The following ADGRB3 variants were observed in gnomAD, a reference collection of about 807,000 sequenced individuals.
ADGRB3 encodes adhesion G protein-coupled receptor B3.
A neutral mutation model predicts 193.4 loss-of-function variants in ADGRB3; 37 were observed. The ratio of observed to expected loss-of-function variants is 0.19; its 90% confidence interval spans 0.15 to 0.25. The LOEUF is 0.25. Among genes scored for constraint, ADGRB3 ranks in the 10% least tolerant of loss-of-function variants. The pLI, the probability that ADGRB3 is intolerant of heterozygous loss-of-function variation, is 1.00. For missense variants in ADGRB3, 1,637 were observed against 1,852.9 expected (o/e 0.88, Z 2.14); for synonymous variants, 690 against 644.2 (o/e 1.07, Z -1.08).
chr6:68,814,402 T>G (rs1428259582), intron 3 of ADGRB3, among the ~76,000 whole-genome samples: 2 of 152,158 alleles, frequency 1.3e-5, no homozygotes, highest in African/African-American at 2.4e-5. Context: ...TTTGATGGTG[T>G]TGTTTGTTTT....
At chr6:68,908,584 T>G (rs1236534316) in intron 3 of ADGRB3, among the ~76,000 whole-genome samples, 1 of 152,118 alleles carries the variant, frequency 6.6e-6, no homozygotes, top group Admixed American at 6.6e-5. Context: ...AGTAAGCCTA[T>G]ATCATCATAT....
At chr6:68,774,596 C>T (rs1003683626) in intron 3 of ADGRB3, among the ~76,000 whole-genome samples, 6 of 151,848 alleles carry the variant, frequency 4.0e-5, no homozygotes, top group Admixed American at 3.3e-4. Context: ...TATTAGCATG[C>T]TGCCTTTTTA....
At position 69,213,393 on chromosome 6, in the gene ADGRB3, T is replaced by C. The variant is rs368184788; in HGVS notation, c.2481-19897T>C. ...GTATGTGCATTGCTTCAGTAAACCA[T>C]GACTGGCAATCATTAAATAACTTTT... On this transcript the variant is annotated intron_variant, in intron 17 of 31. Coordinates refer to ENST00000370598, the MANE Select transcript of ADGRB3 (RefSeq NM_001704.3). Among the ~76,000 whole-genome samples, 12 of 152,194 alleles carry C rather than the reference T, an allele frequency of 7.9e-5. No individual in the cohort carries two copies. In the East Asian group the frequency reaches 1.7e-3, roughly 22 times the overall value.
At chr6:69,091,910 T>G (rs528062332) in intron 17 of ADGRB3, among the ~76,000 whole-genome samples, 1 of 152,316 alleles carries the variant, frequency 6.6e-6, no homozygotes, top group African/African-American at 2.4e-5. Flanking sequence ...AAAAATAACT[T>G]TTAATTATAA....
At chr6:68,902,701 C>T (rs1192294770) in intron 3 of ADGRB3, among the ~76,000 whole-genome samples, 1 of 151,776 alleles carries the variant, frequency 6.6e-6, no homozygotes, top group Non-Finnish European at 1.5e-5. Context: ...TACATGTAAC[C>T]ACATATAATC....
At chr6:69,160,549 C>A (rs1467366909) in intron 17 of ADGRB3, among the ~76,000 whole-genome samples, 1 of 152,112 alleles carries the variant, frequency 6.6e-6, no homozygotes, top group Non-Finnish European at 1.5e-5. Flanking sequence ...TTAATATAAT[C>A]TTTCCTTTAT....
At chr6:69,354,993 T>C (rs1769308902) in intron 27 of ADGRB3, among the ~76,000 whole-genome samples, 1 of 152,198 alleles carries the variant, frequency 6.6e-6, no homozygotes, top group African/African-American at 2.4e-5. Flanking sequence ...TACAGTATAT[T>C]CAATTTATTA....
intron 8 of ADGRB3, among the ~76,000 whole-genome samples, chr6:68,965,878 A>C (rs1768367824): frequency 6.6e-6 from 1 of 152,192 alleles, no homozygotes; most frequent in Non-Finnish European, 1.5e-5. Context: ...TTTATTTTCT[A>C]ATTTACAAAA....
chr6:68,905,771 A>C (rs568956578), intron 3 of ADGRB3, among the ~76,000 whole-genome samples: 2 of 152,128 alleles, frequency 1.3e-5, no homozygotes, highest in Non-Finnish European at 2.9e-5. Context: ...AAAGTTCCCA[A>C]ATATTCACTC....
chr6:69,284,191 C>T (rs546215036), intron 20 of ADGRB3, among the ~76,000 whole-genome samples: 1 of 152,098 alleles, frequency 6.6e-6, no homozygotes, highest in Non-Finnish European at 1.5e-5. Context: ...CAGTGCTGGC[C>T]TGAAGCAGAA....
At chr6:69,151,569 A>G (rs1017073385) in intron 17 of ADGRB3, among the ~76,000 whole-genome samples, 2 of 152,106 alleles carry the variant, frequency 1.3e-5, no homozygotes, top group African/African-American at 2.4e-5. Context: ...GTGATCACTC[A>G]TCTGATTTTT....
At chr6:69,279,190 A>T (rs1767373013) in intron 20 of ADGRB3, among the ~76,000 whole-genome samples, 1 of 148,022 alleles carries the variant, frequency 6.8e-6, no homozygotes, top group South Asian at 2.1e-4. Context: ...TAAGTCAAAA[A>T]TGCATTTAAT....
chr6:69,188,231 A>C (rs1216785342), intron 17 of ADGRB3, among the ~76,000 whole-genome samples: 1 of 152,158 alleles, frequency 6.6e-6, no homozygotes, highest in East Asian at 1.9e-4. Context: ...AGGGAAAAGG[A>C]CTATTCTCCA....
intron 3 of ADGRB3, among the ~76,000 whole-genome samples, chr6:68,721,505 T>C (rs1177836034): frequency 1.3e-5 from 2 of 151,498 alleles, no homozygotes; most frequent in Non-Finnish European, 2.9e-5. Context: ...AGGGATAGTA[T>C]TAGGAGATAT....
At position 68,974,651 on chromosome 6, in the gene ADGRB3, A is replaced by T. The variant is rs144997970; in HGVS notation, c.1526-112A>T. On this transcript the variant is annotated intron_variant, in intron 8 of 31. Transcript: ENST00000370598. ...CCCCATCTCTAAAAAAAAGAAAGAA[A>T]AAAAAAGAAAACTAAAGAGCTCTGC... 7.1e-4 allele frequency: 560 copies of T among 793,396 alleles called. 2 individuals carry two copies. In the African/African-American group the frequency reaches 9.3e-3, roughly 13 times the overall value. The allele number at this position is 793,396 out of a possible 1,614,324, so 49.1% of individuals were successfully genotyped here.
chr6:68,875,169 C>CTTCCTTCA lies in ADGRB3; in HGVS notation c.758-55383_758-55382insATTCCTTC, dbSNP rs1765562811. 3.8e-5 allele frequency among the ~76,000 whole-genome samples: 4 copies of CTTCCTTCA among 104,246 alleles called. 1 individual carries two copies. The highest frequency in any genetic ancestry group is 7.9e-5 in the Non-Finnish European group (4 of 50,902). The allele number at this position is 104,246 out of a possible 152,430, so 68.4% of individuals were successfully genotyped here. A position where few individuals can be genotyped will look rare whatever the true frequency, so the allele number is the denominator to read the frequency against. ...TTCTTTCTCCTTCCTTCCTTCCTTC[C>CTTCCTTCA]TTCCTTCCTTCCTTCCTTCCTTCCT... On this transcript the variant is annotated intron_variant, in intron 3 of 31. Coordinates refer to ENST00000370598, the MANE Select transcript of ADGRB3 (RefSeq NM_001704.3).
chr6:68,905,428 C>G (rs558409105), intron 3 of ADGRB3, among the ~76,000 whole-genome samples: 1 of 152,030 alleles, frequency 6.6e-6, no homozygotes, highest in Non-Finnish European at 1.5e-5. Flanking sequence ...TTCTATCCAT[C>G]GGGATTGAGA....
At position 69,332,812 on chromosome 6, in the gene ADGRB3, A is replaced by G. The variant is rs2127314947; in HGVS notation, c.3103-111A>G. ...AAAATGTTTGAGAGTGCTTCATACC[A>G]CTACTAGTGATACGGTGGTTATGAA... On this transcript the variant is annotated intron_variant, in intron 23 of 31. Transcript: ENST00000370598. The G allele has an allele frequency of 2.0e-6, 3 of 1,483,896 alleles. No homozygotes were observed. In the South Asian group the frequency reaches 4.3e-5, roughly 21 times the overall value. 91.9% of individuals were successfully genotyped at this position (1,483,896 alleles called of 1,614,324 possible).
At chr6:68,859,915 A>C (rs1349365680) in intron 3 of ADGRB3, among the ~76,000 whole-genome samples, 1 of 152,208 alleles carries the variant, frequency 6.6e-6, no homozygotes, top group East Asian at 1.9e-4. Context: ...ATTAATAGAA[A>C]TGCAATTGAG....
Sources: allele counts gnomAD v4.1 joint callset (sites outside exome capture counted in the v4.1 genomes callset), GRCh38; gene constraint gnomAD v4.1.1; transcripts MANE v1.5; gene names NCBI Gene and HGNC (gene_info 2026-07-23, HGNC 2026-07-21).